Variants in PAPSS2 observed in about 807,000 individuals in gnomAD.
The protein encoded by PAPSS2 is 3'-phosphoadenosine 5'-phosphosulfate synthase 2, also known as bifunctional 3'-phosphoadenosine 5'-phosphosulfate synthase 2.
In PAPSS2, 61 loss-of-function variants were observed where a neutral mutation model predicts 66.5. That is an observed-to-expected ratio of 0.92 (90% CI 0.75 to 1.14). The LOEUF (loss-of-function observed/expected upper bound fraction) is 1.14, where lower values mean the gene tolerates loss of function less well. Ranked by LOEUF, PAPSS2 falls within the 50% of genes most tolerant of loss-of-function variation. The pLI, the probability that PAPSS2 is intolerant of heterozygous loss-of-function variation, is 0.00. For synonymous variants in PAPSS2, 289 were observed against 287.5 expected (o/e 1.01, Z -0.05); for missense variants, 708 against 789.6 (o/e 0.90, Z 1.24).
At chr10:87,714,009 C>T in intron 3 of PAPSS2, 35 bp from the exon 4 acceptor site, 1 of 1,611,726 alleles carries the variant, frequency 6.2e-7, no homozygotes, top group East Asian at 2.2e-5. Flanking sequence ...CACCGTGAAA[C>T]CTCTTTTTAC....
At chr10:87,697,961 G>C (rs1655526127) in intron 1 of PAPSS2, among the ~76,000 whole-genome samples, 1 of 152,206 alleles carries the variant, frequency 6.6e-6, no homozygotes, top group South Asian at 2.1e-4. Context: ...ACATCTGAAT[G>C]ATGCTTGCAA....
intron 1 of PAPSS2, among the ~76,000 whole-genome samples, chr10:87,694,059 T>C (rs1407249): frequency 0.54 from 81,454 of 152,102 alleles, 23,599 homozygotes; most frequent in African/African-American, 0.75. Context: ...TCAACAAATA[T>C]GTAATGAATA....
intron 1 of PAPSS2, among the ~76,000 whole-genome samples, chr10:87,707,093 T>C (rs1354185804): frequency 2.0e-5 from 3 of 152,184 alleles, no homozygotes; most frequent in East Asian, 3.9e-4. Context: ...TCCCTAACCA[T>C]TGGCCCCTCT....
intron 7 of PAPSS2, among the ~76,000 whole-genome samples, chr10:87,717,070 G>A (rs998298460): frequency 1.3e-5 from 2 of 152,112 alleles, no homozygotes; most frequent in Admixed American, 1.3e-4. Context: ...CTGGCCCAGT[G>A]CTCCTTACAT....
chr10:87,732,647 G>A (rs912822236), intron 9 of PAPSS2, among the ~76,000 whole-genome samples: 2 of 152,296 alleles, frequency 1.3e-5, no homozygotes, highest in South Asian at 4.1e-4. Flanking sequence ...AAATTTGTGT[G>A]ACTCCGTTTA....
chr10:87,696,941 C>A (rs1853241691), intron 1 of PAPSS2, among the ~76,000 whole-genome samples: 1 of 152,222 alleles, frequency 6.6e-6, no homozygotes, highest in African/African-American at 2.4e-5. Flanking sequence ...GTAACTTTCA[C>A]ATTAGTGTGG....
intron 1 of PAPSS2, among the ~76,000 whole-genome samples, chr10:87,691,350 G>C (rs1191016026): frequency 6.6e-6 from 1 of 152,132 alleles, no homozygotes; most frequent in African/African-American, 2.4e-5. Context: ...AGATAAACGT[G>C]AGCAAAGCAG....
chr10:87,690,200 C>G (rs1336618092), intron 1 of PAPSS2, among the ~76,000 whole-genome samples: 1 of 151,910 alleles, frequency 6.6e-6, no homozygotes, highest in East Asian at 1.9e-4. Context: ...AAGTATTCAT[C>G]AAAAAAGAGC....
At chr10:87,688,476 T>C (rs1056480937) in intron 1 of PAPSS2, among the ~76,000 whole-genome samples, 2 of 151,472 alleles carry the variant, frequency 1.3e-5, no homozygotes, top group Admixed American at 6.6e-5. Context: ...TATTTATTTA[T>C]TGAGACTAAG....
At chr10:87,716,660 C>G (rs1248660921) in intron 7 of PAPSS2, among the ~76,000 whole-genome samples, 1 of 152,042 alleles carries the variant, frequency 6.6e-6, no homozygotes, top group Non-Finnish European at 1.5e-5. Flanking sequence ...GTGTTCATGT[C>G]CTGTGTTTGT....
At chr10:87,731,448 C>T (rs1451051102) in intron 9 of PAPSS2, among the ~76,000 whole-genome samples, 1 of 152,146 alleles carries the variant, frequency 6.6e-6, no homozygotes, top group Non-Finnish European at 1.5e-5. Context: ...TTCTGCAGCC[C>T]ACGGATCAAA....
At chr10:87,745,804 T>C (rs1853929909) in intron 12 of PAPSS2, 28 bp from the exon 13 acceptor site, 1 of 1,613,316 alleles carries the variant, frequency 6.2e-7, no homozygotes, top group South Asian at 1.1e-5. Context: ...TTACCTACAC[T>C]GAGTTCTTTG....
intron 8 of PAPSS2, among the ~76,000 whole-genome samples, chr10:87,723,134 CT>C (rs1564724132): frequency 6.6e-6 from 1 of 152,172 alleles, no homozygotes; most frequent in Non-Finnish European, 1.5e-5. Flanking sequence ...CCACATTTTG[CT>C]TTGCATTTTG....
At chr10:87,711,285 CA>C (rs1853460160) in intron 2 of PAPSS2, among the ~76,000 whole-genome samples, 3 of 152,318 alleles carry the variant, frequency 2.0e-5, no homozygotes, top group African/African-American at 7.2e-5. Context: ...CAATAAAAGA[CA>C]AATGTGCTTT....
At chr10:87,683,925 C>G (rs957376817) in intron 1 of PAPSS2, among the ~76,000 whole-genome samples, 3 of 152,116 alleles carry the variant, frequency 2.0e-5, no homozygotes, top group African/African-American at 7.2e-5. Context: ...GAACTCCTGG[C>G]TTCAAGCGAT....
intron 1 of PAPSS2, among the ~76,000 whole-genome samples, chr10:87,697,504 C>T (rs907326863): frequency 6.6e-6 from 1 of 152,154 alleles, no homozygotes; most frequent in African/African-American, 2.4e-5. Flanking sequence ...GAGTGAGGAG[C>T]TGTCGTCAGG....
At chr10:87,735,134 C>G (rs1853781222) in intron 9 of PAPSS2, among the ~76,000 whole-genome samples, 1 of 152,104 alleles carries the variant, frequency 6.6e-6, no homozygotes, top group Non-Finnish European at 1.5e-5. Context: ...AGCTGTGGCC[C>G]CCCTGCTGTC....
At chr10:87,709,390 T>A in intron 2 of PAPSS2, 77 bp downstream of exon 2, 1 of 881,322 alleles carries the variant, frequency 1.1e-6, no homozygotes, top group Non-Finnish European at 1.9e-6. Context: ...GAAATTAGTG[T>A]AACGTATTAC....
intron 7 of PAPSS2, among the ~76,000 whole-genome samples, chr10:87,717,124 G>T (rs3781189): frequency 6.6e-6 from 1 of 151,940 alleles, no homozygotes; most frequent in African/African-American, 2.4e-5. Flanking sequence ...AATCTACAAG[G>T]CCTGATGGTC....
Sources: gnomAD v4.1 joint callset for allele counts (sites outside exome capture counted in the v4.1 genomes callset) on GRCh38, gnomAD v4.1.1 for gene constraint, MANE v1.5 for transcripts, NCBI Gene and HGNC (gene_info 2026-07-23, HGNC 2026-07-21) for gene names.